The following FHOD3 variants were observed in gnomAD, a reference collection of about 807,000 sequenced individuals.
The protein encoded by FHOD3 is formin homology 2 domain containing 3.
A neutral mutation model predicts 173.0 loss-of-function variants in FHOD3; 90 were observed. The ratio of observed to expected loss-of-function variants is 0.52; its 90% CI spans 0.44 to 0.62. The LOEUF is 0.62. Among genes scored for constraint, FHOD3 ranks in the 20% least tolerant of loss-of-function variants. The pLI is 0.00. For synonymous variants in FHOD3, 828 were observed against 823.0 expected (o/e 1.01, Z -0.10); for missense variants, 1,945 against 2,034.7 (o/e 0.96, Z 0.85).
intron 25 of FHOD3, among the ~76,000 whole-genome samples, chr18:36,758,602 C>A (rs536867404): frequency 6.6e-6 from 1 of 152,280 alleles, no homozygotes; most frequent in Admixed American, 6.5e-5. Context: ...TAGCCCAGAA[C>A]CAGCAGCCTG....
At chr18:36,576,594 G>A (rs1183412813) in intron 6 of FHOD3, 49 bp downstream of exon 6, 1 of 1,441,568 alleles carries the variant, frequency 6.9e-7, no homozygotes. Flanking sequence ...CATATCACTT[G>A]CCTTTCTTTT....
intron 7 of FHOD3, among the ~76,000 whole-genome samples, chr18:36,595,990 C>A (rs1185179352): frequency 6.6e-6 from 1 of 152,138 alleles, no homozygotes; most frequent in African/African-American, 2.4e-5. Flanking sequence ...CTAGTTTCAA[C>A]AAAGATAATC....
intron 2 of FHOD3, among the ~76,000 whole-genome samples, chr18:36,359,044 G>A (rs1019644059): frequency 3.9e-5 from 6 of 152,202 alleles, no homozygotes; most frequent in African/African-American, 1.2e-4. Flanking sequence ...TCTCCCATGA[G>A]TGGGAGTTAA....
chr18:36,661,552 C>T (rs1252886997), intron 14 of FHOD3, among the ~76,000 whole-genome samples: 2 of 152,142 alleles, frequency 1.3e-5, no homozygotes, highest in Admixed American at 6.6e-5. Flanking sequence ...ACTTCATTCC[C>T]TTGATTTGGA....
rs553977699 is a variant in FHOD3 at position 36,536,430 on chromosome 18, A to G, written c.511+23887A>G. On this transcript the variant is annotated intron_variant, in intron 5 of 28. Transcript: ENST00000590592. Reference sequence around the variant, plus strand: ...CCTGTCATTAACAAAAATGGATTTAAGAAGTCAGCGCCCGCTGTGCCCATT... The same window carrying G: ...CCTGTCATTAACAAAAATGGATTTAGGAAGTCAGCGCCCGCTGTGCCCATT... 2.4e-4 allele frequency among the ~76,000 whole-genome samples: 36 copies of G among 152,352 alleles called. No homozygotes were observed. In the South Asian group the frequency reaches 7.3e-3, roughly 31 times the overall value.
intron 3 of FHOD3, among the ~76,000 whole-genome samples, chr18:36,451,680 G>C (rs1341627062): frequency 6.6e-6 from 1 of 152,210 alleles, no homozygotes; most frequent in Non-Finnish European, 1.5e-5. Flanking sequence ...GGCAGGAACA[G>C]AGCCCTGCTC....
Position 36,379,948 on chromosome 18 carries a change from A to G in FHOD3, c.337+7204A>G, listed in dbSNP as rs547336021. ...GTGTGGGAGTTGAAAAGGAGGATGG[A>G]TGGTTCAAAAATGTCTTGCTGAAGA... On this transcript the variant is annotated intron_variant, in intron 3 of 28. Transcript: ENST00000590592. Among the ~76,000 whole-genome samples the G allele has an allele frequency of 2.0e-5, 3 of 152,344 alleles. No homozygotes were observed. In the South Asian group the frequency reaches 6.2e-4, roughly 32 times the overall value.
intron 6 of FHOD3, among the ~76,000 whole-genome samples, chr18:36,592,049 T>A (rs1443522055): frequency 6.6e-6 from 1 of 152,174 alleles, no homozygotes; most frequent in Non-Finnish European, 1.5e-5. Flanking sequence ...CAAAACACCT[T>A]TTCTACTTAA....
At chr18:36,620,787 T>C (rs561312024) in intron 9 of FHOD3, among the ~76,000 whole-genome samples, 1 of 152,302 alleles carries the variant, frequency 6.6e-6, no homozygotes, top group Non-Finnish European at 1.5e-5. Flanking sequence ...GCTGGCAGAG[T>C]TGGGATTTTT....
At chr18:36,401,696 A>G (rs1733849083) in intron 3 of FHOD3, among the ~76,000 whole-genome samples, 1 of 152,200 alleles carries the variant, frequency 6.6e-6, no homozygotes, top group Non-Finnish European at 1.5e-5. Context: ...TGGGAGGATT[A>G]GATGGAATCA....
In FHOD3 at chr18:36,693,254, G is replaced by A; in HGVS notation, c.2067G>A (p.Glu689=). The A allele has an allele frequency of 6.2e-7, 1 of 1,613,862 alleles. No homozygotes were observed. The highest frequency in any genetic ancestry group is 8.5e-7 in the Non-Finnish European group (1 of 1,179,852). ...TGGCAGCTGAGGAGCACGAGAAGGA[G>A]CTGAGAAGCCGGAGTGTGAGCCGGG... The part of the protein sequence containing the change: ...EQLAAEEHEK[E]LRSRSVSRGR... Residue 689 remains glutamate (E), a synonymous_variant, in exon 17 of 29, where the codon GAG becomes GAA. Coordinates refer to ENST00000590592, the MANE Select transcript of FHOD3 (RefSeq NM_001281740.3).
chr18:36,350,700 G>A (rs2046082016), intron 1 of FHOD3, among the ~76,000 whole-genome samples: 1 of 152,184 alleles, frequency 6.6e-6, no homozygotes, highest in Non-Finnish European at 1.5e-5. Context: ...GGACTGGTCT[G>A]GCAGGGAGGT....
At position 36,625,739 on chromosome 18, in the gene FHOD3, C is replaced by G. The variant is rs1342093758; in HGVS notation, c.1186C>G (p.Leu396Val). The change falls in exon 10 of 29, where the codon CTG (leucine) becomes GTG (valine). Residue 396 changes from leucine (L) to valine (V), a missense_variant. This residue lies in a region of FHOD3 where 1,099 missense variants were observed against 1,051.2 expected (regional missense o/e 1.05). Transcript: ENST00000590592. ...CTTCAAGCCCAACCAAGTGCGAGATCTGCGTGAAAAGTAAGCATTAACTTG... is the reference window on the plus strand; with the variant it reads ...CTTCAAGCCCAACCAAGTGCGAGATGTGCGTGAAAAGTAAGCATTAACTTG... ...PSFKPNQVRD[L>V]REKEEEEEEE... 3 of 1,607,614 alleles carry G rather than the reference C, an allele frequency of 1.9e-6. No individual in the cohort carries two copies. The highest frequency in any genetic ancestry group is 1.3e-5 in the African/African-American group (1 of 74,828).
chr18:36,710,699 G>A (rs997730658), intron 18 of FHOD3: 2 of 152,160 alleles, frequency 1.3e-5, no homozygotes, highest in Non-Finnish European at 2.9e-5. Context: ...TCATTTGGTT[G>A]AATATGTATG....
chr18:36,403,359 A>G (rs1426421658), intron 3 of FHOD3, among the ~76,000 whole-genome samples: 1 of 152,224 alleles, frequency 6.6e-6, no homozygotes, highest in Non-Finnish European at 1.5e-5. Context: ...TAGTTAGTTC[A>G]CAAAGTTCCC....
At chr18:36,687,068 C>A in intron 15 of FHOD3, 60 bp from the exon 16 acceptor site, 1 of 1,253,642 alleles carries the variant, frequency 8.0e-7, no homozygotes, top group Non-Finnish European at 1.1e-6. Flanking sequence ...TGGTAATTTT[C>A]TGAGTATCTA....
In FHOD3 at chr18:36,318,653, A is replaced by G. The variant is rs944678140; in HGVS notation, c.165+20653A>G. Among the ~76,000 whole-genome samples, 3 of 152,206 alleles carry G rather than the reference A, an allele frequency of 2.0e-5. No homozygotes were observed. The South Asian group carries it at 6.2e-4, about 31-fold the overall frequency. ...TGAGATGATGGGATTTTCTAAATATACAATCATGTCATCTGCAGAGACAGT... is the reference window on the plus strand; with the variant it reads ...TGAGATGATGGGATTTTCTAAATATGCAATCATGTCATCTGCAGAGACAGT... On this transcript the variant is annotated intron_variant, in intron 1 of 28. Coordinates refer to ENST00000590592, the MANE Select transcript of FHOD3 (RefSeq NM_001281740.3).
At chr18:36,723,631 T>A (rs1399228523) in intron 19 of FHOD3, among the ~76,000 whole-genome samples, 1 of 152,074 alleles carries the variant, frequency 6.6e-6, no homozygotes, top group Non-Finnish European at 1.5e-5. Context: ...CGACCCAAGG[T>A]CTCCAACAGT....
At position 36,602,572 on chromosome 18, in the gene FHOD3, G is replaced by A. The variant is rs554691859; in HGVS notation, c.719-102G>A. ...CTTTGAAATTTGGTGACTGAAAGAC[G>A]CTGCCATCACTGGATACGTCCTTGG... On this transcript the variant is annotated intron_variant, in intron 7 of 28. Coordinates refer to ENST00000590592, the MANE Select transcript of FHOD3 (RefSeq NM_001281740.3). The A allele has an allele frequency of 6.4e-5, 55 of 862,176 alleles. No homozygotes were observed. In the African/African-American group the frequency reaches 6.5e-4, roughly 10 times the overall value. 53.4% of individuals were successfully genotyped at this position (862,176 alleles called of 1,614,324 possible). A position where few individuals can be genotyped will look rare whatever the true frequency, so the allele number is the denominator to read the frequency against.
Sources: gnomAD v4.1 joint callset for allele counts (sites outside exome capture counted in the v4.1 genomes callset) on GRCh38, gnomAD v4.1.1 for gene constraint, gnomAD v4.1.1 regional missense constraint, MANE v1.5 for transcripts, NCBI Gene and HGNC (gene_info 2026-07-23, HGNC 2026-07-21) for gene names.